PIGU: variants seen among roughly 807,000 people sequenced by gnomAD.
PIGU encodes the protein phosphatidylinositol glycan anchor biosynthesis class U, also known as GPI-anchor transamidase component PIGU.
In PIGU, 24 loss-of-function variants were observed where a neutral mutation model predicts 49.9. The ratio of observed to expected loss-of-function variants is 0.48; its 90% CI spans 0.35 to 0.68. The LOEUF is 0.68. Ranked by LOEUF, PIGU falls within the 30% of genes least tolerant of loss-of-function variation. PIGU has a pLI of 0.01. For missense variants in PIGU, 490 were observed against 532.6 expected (o/e 0.92, Z 0.79); for synonymous variants, 220 against 205.7 (o/e 1.07, Z -0.59).
intron 11 of PIGU, among the ~76,000 whole-genome samples, chr20:34,565,096 T>A (rs533312009): frequency 6.6e-6 from 1 of 152,208 alleles, no homozygotes; most frequent in Non-Finnish European, 1.5e-5. Flanking sequence ...CAGAGCCCCT[T>A]TGCCCAGTCT....
chr20:34,560,929 G>C lies in PIGU; in HGVS notation c.1245C>G (p.Tyr415Ter), dbSNP rs772578844. 6.2e-7 allele frequency: 1 copy of C among 1,613,086 alleles called. No homozygotes were observed. The highest frequency in any genetic ancestry group is 8.5e-7 in the Non-Finnish European group (1 of 1,179,352). Reference protein sequence around the residue: ...YFYAFLRREYYLTHGLYLTAK... With the variant: ...YFYAFLRREY ...CGGTCAAGTAGAGGCCATGTGTGAGGTAGTACTCCCGCCGCAGGAAGGCAT... is the reference window on the plus strand; with the variant it reads ...CGGTCAAGTAGAGGCCATGTGTGAGCTAGTACTCCCGCCGCAGGAAGGCAT... Residue 415 changes from tyrosine (Y) to a stop codon, truncating the protein, a stop_gained, in exon 12 of 12, where the codon TAC becomes TAG. Transcript: ENST00000217446. LOFTEE classifies it high-confidence loss of function.
intron 7 of PIGU, among the ~76,000 whole-genome samples, chr20:34,598,949 ATCC>A (rs1468733907): frequency 2.6e-5 from 4 of 151,952 alleles, no homozygotes; most frequent in Non-Finnish European, 5.9e-5. Context: ...GGCCCAAATA[ATCC>A]TCCTACCTCA....
chr20:34,562,574 T>G (rs1982572046), intron 11 of PIGU: 1 of 1,288,366 alleles, frequency 7.8e-7, no homozygotes, highest in Non-Finnish European at 1.0e-6. Context: ...ATCTGGAAGG[T>G]TGAACAATCC....
chr20:34,616,283 A>G, intron 6 of PIGU, 144 bp from the exon 7 acceptor site: 1 of 864,696 alleles, frequency 1.2e-6, no homozygotes, highest in East Asian at 3.4e-5. Flanking sequence ...TGCTATGCAA[A>G]TTCACACAGT....
At chr20:34,594,698 C>G (rs148276599) in intron 7 of PIGU, among the ~76,000 whole-genome samples, 1,995 of 151,996 alleles carry the variant, frequency 0.013, 49 homozygotes, top group African/African-American at 0.046. Flanking sequence ...CACTTGAACC[C>G]GAGAGGTGGA....
At chr20:34,636,150 G>C (rs1324027972) in intron 5 of PIGU, among the ~76,000 whole-genome samples, 2 of 152,068 alleles carry the variant, frequency 1.3e-5, no homozygotes, top group African/African-American at 4.8e-5. Flanking sequence ...ACAGTGAGCC[G>C]TGACTGTACC....
chr20:34,606,338 T>G (rs1984613350), intron 7 of PIGU, among the ~76,000 whole-genome samples: 1 of 151,576 alleles, frequency 6.6e-6, no homozygotes, highest in Admixed American at 6.6e-5. Context: ...CCCCAAAACA[T>G]CCTTTATAGC....
chr20:34,671,271 C>CT (rs1555804479), intron 1 of PIGU, among the ~76,000 whole-genome samples: 4 of 150,938 alleles, frequency 2.7e-5, no homozygotes, highest in Admixed American at 6.6e-5. Context: ...TTTCTTCTTC[C>CT]TTTTTTTTTG....
At chr20:34,642,316 C>T (rs1261994894) in intron 4 of PIGU, among the ~76,000 whole-genome samples, 21 of 152,098 alleles carry the variant, frequency 1.4e-4, no homozygotes, top group Admixed American at 1.4e-3. Context: ...CTCAAGCCAT[C>T]CACCTGTCTC....
chr20:34,667,677 T>A (rs1167431604), intron 1 of PIGU, among the ~76,000 whole-genome samples: 1 of 152,140 alleles, frequency 6.6e-6, no homozygotes, highest in Non-Finnish European at 1.5e-5. Context: ...AGAAGAATTT[T>A]AATTATTAAA....
intron 7 of PIGU, among the ~76,000 whole-genome samples, chr20:34,605,173 C>G (rs1984569712): frequency 1.3e-5 from 2 of 152,178 alleles, no homozygotes; most frequent in South Asian, 4.1e-4. Context: ...AATTTGGAAA[C>G]TAGGCTCTCA....
chr20:34,597,020 T>C (rs182029523), intron 7 of PIGU, among the ~76,000 whole-genome samples: 1 of 152,326 alleles, frequency 6.6e-6, no homozygotes, highest in Non-Finnish European at 1.5e-5. Flanking sequence ...GTGTGGCAAC[T>C]AGACTGTCAT....
intron 6 of PIGU, among the ~76,000 whole-genome samples, chr20:34,616,609 T>A (rs2146741822): frequency 6.6e-6 from 1 of 152,280 alleles, no homozygotes; most frequent in African/African-American, 2.4e-5. Flanking sequence ...TAGGTCACGT[T>A]TTTTCTTTTC....
At chr20:34,622,857 T>C (rs1985297165) in intron 6 of PIGU, among the ~76,000 whole-genome samples, 1 of 152,210 alleles carries the variant, frequency 6.6e-6, no homozygotes. Flanking sequence ...AGTAAATCAG[T>C]CAAATGTGTA....
intron 9 of PIGU, among the ~76,000 whole-genome samples, chr20:34,584,059 C>G (rs553649941): frequency 1.1e-4 from 16 of 152,266 alleles, no homozygotes; most frequent in Admixed American, 8.5e-4. Context: ...CTCTCCGGAG[C>G]TTGGCATGGT....
chr20:34,602,826 T>TC (rs1385057130), intron 7 of PIGU, among the ~76,000 whole-genome samples: 2 of 152,170 alleles, frequency 1.3e-5, no homozygotes, highest in Non-Finnish European at 2.9e-5. Flanking sequence ...TCCTCCATGT[T>TC]CCCTGATCCA....
chr20:34,602,224 G>C, intron 7 of PIGU, among the ~76,000 whole-genome samples: 1 of 151,948 alleles, frequency 6.6e-6, no homozygotes, highest in Non-Finnish European at 1.5e-5. Context: ...AGAGGTTGCA[G>C]TGAGCCGAGA....
chr20:34,645,495 TA>T (rs1442950263), intron 2 of PIGU, among the ~76,000 whole-genome samples, 161 bp from the exon 3 acceptor site: 1 of 152,120 alleles, frequency 6.6e-6, no homozygotes, highest in African/African-American at 2.4e-5. Flanking sequence ...GGTGTGCTTA[TA>T]GGGGAGAATA....
At chr20:34,606,178 C>G (rs1327622063) in intron 7 of PIGU, among the ~76,000 whole-genome samples, 1 of 151,002 alleles carries the variant, frequency 6.6e-6, no homozygotes, top group Non-Finnish European at 1.5e-5. Flanking sequence ...TCGCTTGAAC[C>G]TGAGAGGCGG....
Sources: gnomAD v4.1 joint callset for allele counts (sites outside exome capture counted in the v4.1 genomes callset) on GRCh38, gnomAD v4.1.1 for gene constraint, MANE v1.5 for transcripts, NCBI Gene and HGNC (gene_info 2026-07-23, HGNC 2026-07-21) for gene names.